IGFBP4: variants seen among roughly 807,000 people sequenced by gnomAD.
The protein encoded by IGFBP4 is insulin-like growth factor-binding protein 4.
Under a neutral mutation model 25.8 loss-of-function variants are expected in IGFBP4, and 9 were observed. The observed-to-expected ratio is 0.35, with a 90% confidence interval of 0.21 to 0.61. IGFBP4 has a LOEUF of 0.61. Among genes scored for constraint, IGFBP4 ranks in the 20% least tolerant of loss-of-function variants. IGFBP4 has a pLI of 0.77. For synonymous variants in IGFBP4, 153 were observed against 153.9 expected (o/e 0.99, Z 0.05); for missense variants, 315 against 365.3 (o/e 0.86, Z 1.12).
chr17:40,449,144 G>C (rs1440626273), intron 1 of IGFBP4, among the ~76,000 whole-genome samples: 1 of 152,146 alleles, frequency 6.6e-6, no homozygotes, highest in African/African-American at 2.4e-5. Flanking sequence ...TTAGCTTTTC[G>C]TAGGTAACCC....
chr17:40,454,275 G>A (rs1597676597), intron 3 of IGFBP4, among the ~76,000 whole-genome samples: 2 of 152,280 alleles, frequency 1.3e-5, no homozygotes, highest in African/African-American at 4.8e-5. Flanking sequence ...TAAAAGCGCC[G>A]GGCTAGTCCA....
chr17:40,453,844 C>CAGTT lies in IGFBP4; in HGVS notation c.508-83_508-80dup. The CAGTT allele has an allele frequency of 9.5e-7, 1 of 1,054,972 alleles. No homozygotes were observed. Among genetic ancestry groups the CAGTT allele is most frequent in the Non-Finnish European group, 1.4e-6 (1 of 737,192 alleles). 65.4% of individuals were successfully genotyped at this position (1,054,972 alleles called of 1,614,324 possible). Reference sequence around the variant, plus strand: ...GGCTCAGGCCTCCTTTCGGGGCCTTCAGTTCTCACTTAGCTCTGACCCCAG... The same window carrying CAGTT: ...GGCTCAGGCCTCCTTTCGGGGCCTTCAGTTAGTTCTCACTTAGCTCTGACCCCAG... On this transcript the variant is annotated intron_variant, in intron 2 of 3. Coordinates refer to ENST00000269593, the MANE Select transcript of IGFBP4 (RefSeq NM_001552.3). This position sits in a 1 kb window ranked among gnomAD's most constrained non-coding sequence, Gnocchi z 4.0.
intron 1 of IGFBP4, among the ~76,000 whole-genome samples, chr17:40,446,310 TAAAAA>T (rs34843649): frequency 4.5e-5 from 6 of 134,018 alleles, no homozygotes; most frequent in South Asian, 2.5e-4. Context: ...CTCTATTTCG[TAAAAA>T]AAAAAAAAAA....
At position 40,456,657 on chromosome 17, in the gene IGFBP4, G is replaced by C; in HGVS notation, c.*74G>C. ...CTGGAGGCTGCAGAGCTGACCCAGAGTGGAGTCTGAGTCTGAGTCCTGTCT... is the reference window on the plus strand; with the variant it reads ...CTGGAGGCTGCAGAGCTGACCCAGACTGGAGTCTGAGTCTGAGTCCTGTCT... On this transcript the variant is annotated 3_prime_UTR_variant, in exon 4 of 4. Coordinates refer to ENST00000269593, the MANE Select transcript of IGFBP4 (RefSeq NM_001552.3). The C allele has an allele frequency of 6.8e-7, 1 of 1,467,878 alleles. No individual in the cohort carries two copies. The highest frequency in any genetic ancestry group is 9.3e-7 in the Non-Finnish European group (1 of 1,080,824). The allele number at this position is 1,467,878 out of a possible 1,614,324, so 90.9% of individuals were successfully genotyped here.
At chr17:40,446,085 T>G (rs1254411236) in intron 1 of IGFBP4, among the ~76,000 whole-genome samples, 1 of 151,130 alleles carries the variant, frequency 6.6e-6, no homozygotes, top group Non-Finnish European at 1.5e-5. Context: ...AGGTTCATGC[T>G]TGTAATCCCA....
chr17:40,449,201 C>A, intron 1 of IGFBP4, among the ~76,000 whole-genome samples: 1 of 152,180 alleles, frequency 6.6e-6, no homozygotes, highest in Non-Finnish European at 1.5e-5. Context: ...TAAGCCATGC[C>A]TCTGGACTCA....
intron 3 of IGFBP4, among the ~76,000 whole-genome samples, chr17:40,454,430 C>T (rs959291098): frequency 2.0e-5 from 3 of 152,180 alleles, no homozygotes; most frequent in Admixed American, 6.5e-5. Context: ...CTACTCTATT[C>T]GTATGAGTAA....
At chr17:40,445,756 G>A (rs1019956720) in intron 1 of IGFBP4, among the ~76,000 whole-genome samples, 7 of 152,172 alleles carry the variant, frequency 4.6e-5, no homozygotes, top group South Asian at 2.1e-4. Context: ...AGCAAGGGCC[G>A]AGCCCTTGGG....
chr17:40,453,783 C>G lies in IGFBP4; in HGVS notation c.508-145C>G. The G allele has an allele frequency of 3.6e-6, 2 of 557,182 alleles. No individual in the cohort carries two copies. Among genetic ancestry groups the G allele is most frequent in the Non-Finnish European group, 6.2e-6 (2 of 324,676 alleles). 34.5% of individuals were successfully genotyped at this position (557,182 alleles called of 1,614,324 possible). On this transcript the variant is annotated intron_variant, in intron 2 of 3. Transcript: ENST00000269593. The surrounding 1 kb of genome is among the most constrained non-coding windows in gnomAD (Gnocchi z 4.0). ...CAGTGTGTCCTCCAGACCCAGGCCT[C>G]TCTCTTCACCTCACTGGGTCCTGCC...
Position 40,452,993 on chromosome 17 carries a change from G to A in IGFBP4, c.358G>A (p.Glu120Lys), listed in dbSNP as rs1161475588. 6.5e-7 allele frequency: 1 copy of A among 1,550,064 alleles called. No individual in the cohort carries two copies. The highest frequency in any genetic ancestry group is 8.7e-7 in the Non-Finnish European group (1 of 1,143,568). Residue 120 changes from glutamate (E) to lysine (K), a missense_variant, in exon 2 of 4, where the codon GAG becomes AAG. Transcript: ENST00000269593. ...TCGCTACCTGAATACAGACAAGGAC[G>A]AGGGTGACCACCCCAACAACAGCTT... Reference protein sequence around the residue: ...QESLQPSDKDEGDHPNNSFSP... With the variant: ...QESLQPSDKDKGDHPNNSFSP...
In IGFBP4 at chr17:40,449,622, G is replaced by C. The variant is rs960790506; in HGVS notation, c.350-3363G>C. On this transcript the variant is annotated intron_variant, in intron 1 of 3. Transcript: ENST00000269593. ...AAATTAGCTGGGCATGGTAGCGGGC[G>C]CCTGTAGTCCCAGCTACTTGGGAGG... 3.9e-5 allele frequency among the ~76,000 whole-genome samples: 6 copies of C among 152,126 alleles called. No individual in the cohort carries two copies. In the East Asian group the frequency reaches 7.7e-4, roughly 20 times the overall value.
chr17:40,456,556 C>G lies in IGFBP4; in HGVS notation c.750C>G (p.His250Gln). The G allele has an allele frequency of 5.0e-6, 8 of 1,613,312 alleles. No homozygotes were observed. The highest frequency in any genetic ancestry group is 6.8e-6 in the Non-Finnish European group (8 of 1,179,842). Residue 250 changes from histidine (H) to glutamine (Q), a missense_variant, in exon 4 of 4, where the codon CAC becomes CAG. By Grantham distance (24) the His-to-Gln change is conservative. Transcript: ENST00000269593. ...GLEPKGELDC[H>Q]QLADSFRE Reference sequence around the variant, plus strand: ...AGCCAAAGGGGGAGCTGGACTGCCACCAGCTGGCTGACAGCTTTCGAGAGT... The same window carrying G: ...AGCCAAAGGGGGAGCTGGACTGCCAGCAGCTGGCTGACAGCTTTCGAGAGT...
chr17:40,453,188 A>ACG lies in IGFBP4; in HGVS notation c.507+47_507+48insGC. On this transcript the variant is annotated intron_variant, in intron 2 of 3. Transcript: ENST00000269593. This position sits in a 1 kb window ranked among gnomAD's most constrained non-coding sequence, Gnocchi z 4.0. ...AATGTGCATGTGCATAGACACACAC[A>ACG]CACACATGCCCCCTGCCCCCCACAT... 2 of 1,412,808 alleles carry ACG rather than the reference A, an allele frequency of 1.4e-6. No homozygotes were observed. The highest frequency in any genetic ancestry group is 1.9e-6 in the Non-Finnish European group (2 of 1,059,154). 87.5% of individuals were successfully genotyped at this position (1,412,808 alleles called of 1,614,324 possible).
Position 40,457,464 on chromosome 17 carries a change from G to A in IGFBP4, c.*881G>A, listed in dbSNP as rs2035721768. ...GTGCTAGGGGATGAGGGGCTTCCTG[G>A]GTCCTGTTCCCTACCCCATTTGTGG... On this transcript the variant is annotated 3_prime_UTR_variant, in exon 4 of 4. Coordinates refer to ENST00000269593, the MANE Select transcript of IGFBP4 (RefSeq NM_001552.3). 1 of 152,032 alleles carries A rather than the reference G, an allele frequency of 6.6e-6. No homozygotes were observed. The allele number at this position is 152,032 out of a possible 1,614,324, so 9.4% of individuals were successfully genotyped here.
intron 1 of IGFBP4, among the ~76,000 whole-genome samples, chr17:40,450,608 GC>G (rs1030953034): frequency 2.0e-5 from 3 of 151,898 alleles, no homozygotes; most frequent in African/African-American, 7.3e-5. Flanking sequence ...CACAATCATA[GC>G]TCACTGTAGC....
In IGFBP4 at chr17:40,456,515, C is replaced by T. The variant is rs376710429; in HGVS notation, c.709C>T (p.Leu237Phe). The change falls in exon 4 of 4, where the codon CTT (leucine) becomes TTT (phenylalanine). Residue 237 changes from leucine (L) to phenylalanine (F), a missense_variant. Physicochemically the swap from Leu to Phe is conservative, Grantham distance 22. Coordinates refer to ENST00000269593, the MANE Select transcript of IGFBP4 (RefSeq NM_001552.3). ...TGTGGACCGGAAGACGGGGGTGAAG[C>T]TTCCGGGGGGCCTGGAGCCAAAGGG... ...WCVDRKTGVK[L>F]PGGLEPKGEL... is the part of the protein sequence containing the mutation. The T allele has an allele frequency of 1.3e-5, 21 of 1,613,758 alleles. No homozygotes were observed. The highest frequency in any genetic ancestry group is 1.6e-5 in the Non-Finnish European group (19 of 1,179,926).
At chr17:40,445,666 G>T in intron 1 of IGFBP4, among the ~76,000 whole-genome samples, 1 of 152,196 alleles carries the variant, frequency 6.6e-6, no homozygotes, top group Non-Finnish European at 1.5e-5. Context: ...GGGAAGGGGG[G>T]TCCTGGGGGA....
chr17:40,444,858 CAGAG>C lies in IGFBP4; in HGVS notation c.349+796_349+799del, dbSNP rs112583043. 2.8e-3 allele frequency among the ~76,000 whole-genome samples: 349 copies of C among 122,864 alleles called. 1 individual carries two copies. Among genetic ancestry groups the C allele is most frequent in the Middle Eastern group, 0.023 (5 of 218 alleles). The allele number at this position is 122,864 out of a possible 152,430, so 80.6% of individuals were successfully genotyped here. On this transcript the variant is annotated intron_variant, in intron 1 of 3. Coordinates refer to ENST00000269593, the MANE Select transcript of IGFBP4 (RefSeq NM_001552.3). ...GGGCCAGGGCGCCAGGGGAGAGAAA[CAGAG>C]AGAGAGAGAGAGAGAGAGAGAAACA... is the stretch of plus-strand genomic sequence containing the variant.
chr17:40,445,596 G>A (rs2035640196), intron 1 of IGFBP4, among the ~76,000 whole-genome samples: 1 of 152,216 alleles, frequency 6.6e-6, no homozygotes, highest in African/African-American at 2.4e-5. Flanking sequence ...CCTGGGTAGG[G>A]AGAGATGGGT....
Sources: allele counts gnomAD v4.1 joint callset (sites outside exome capture counted in the v4.1 genomes callset), GRCh38; gene constraint gnomAD v4.1.1; non-coding constraint Gnocchi (gnomAD v3.1); transcripts MANE v1.5; gene names NCBI Gene and HGNC (gene_info 2026-07-23, HGNC 2026-07-21).